The following SOX6 variants were observed in gnomAD, a reference collection of about 807,000 sequenced individuals.
SOX6 encodes the protein transcription factor SOX-6.
Under a neutral mutation model 97.8 loss-of-function variants are expected in SOX6, and 11 were observed. The ratio of observed to expected loss-of-function variants is 0.11; its 90% CI spans 0.07 to 0.19. The LOEUF (loss-of-function observed/expected upper bound fraction) is 0.19, where lower values mean the gene tolerates loss of function less well. SOX6 is among the 10% of genes least tolerant of loss of function. The probability of loss-of-function intolerance (pLI) is 1.00; values close to 1 mark genes in which losing one functional copy is unlikely to be tolerated. For synonymous variants in SOX6, 360 were observed against 371.4 expected (o/e 0.97, Z 0.35); for missense variants, 810 against 1,039.5 (o/e 0.78, Z 3.04).
chr11:16,621,919 T>A (rs545055582), intron 3 of SOX6, among the ~76,000 whole-genome samples: 7 of 152,340 alleles, frequency 4.6e-5, no homozygotes, highest in African/African-American at 1.7e-4. Context: ...TCAAGTTATC[T>A]GATTTGACTC....
intron 6 of SOX6, among the ~76,000 whole-genome samples, chr11:16,129,025 A>AT (rs34756324): frequency 0.011 from 1,320 of 119,218 alleles, 13 homozygotes; most frequent in African/African-American, 0.019. Flanking sequence ...CATGCCTGGC[A>AT]TTTTTTTTTT....
rs765192793 is a variant in SOX6, at chr11:16,111,796, TA to T, written c.898+6del. On this transcript the variant is annotated splice_donor_region_variant and intron_variant, in intron 7 of 15. Transcript: ENST00000683767. ...TGGAAAAGAATGTTAAATCCCTCTC[TA>T]CTTACCTGGTTTGTATGTTATTCCA... 3 of 1,613,060 alleles carry T rather than the reference TA, an allele frequency of 1.9e-6. No individual in the cohort carries two copies. Among genetic ancestry groups the T allele is most frequent in the East Asian group, 2.2e-5 (1 of 44,868 alleles).
chr11:16,088,258 A>G (rs1340817312), intron 9 of SOX6, among the ~76,000 whole-genome samples: 1 of 152,128 alleles, frequency 6.6e-6, no homozygotes, highest in African/African-American at 2.4e-5. Context: ...CCTGAGTGGT[A>G]TATTTGTTAC....
intron 3 of SOX6, among the ~76,000 whole-genome samples, chr11:16,661,508 TA>T (rs886223232): frequency 2.0e-5 from 3 of 152,034 alleles, no homozygotes; most frequent in African/African-American, 7.2e-5. Context: ...TTTTTTCTTT[TA>T]AAAAAAATCT....
intron 12 of SOX6, among the ~76,000 whole-genome samples, chr11:16,028,536 C>A (rs1590141592): frequency 1.3e-5 from 2 of 152,168 alleles, no homozygotes; most frequent in African/African-American, 4.8e-5. Context: ...GACAACAGAA[C>A]AATGATGGGT....
At position 16,055,819 on chromosome 11, in the gene SOX6, G is replaced by A. The variant is rs1847800600; in HGVS notation, c.1184C>T (p.Ala395Val). 1 of 1,613,690 alleles carries A rather than the reference G, an allele frequency of 6.2e-7. No homozygotes were observed. The highest frequency in any genetic ancestry group is 1.3e-5 in the African/African-American group (1 of 74,888). Residue 395 changes from alanine (A) to valine (V), a missense_variant, in exon 10 of 16, where the codon GCA becomes GTA. Ala to Val is a moderately conservative substitution (Grantham distance 64). Transcript: ENST00000683767. ...TATCCCAGTAGGTGAGACCGTCCCTGCTGTGTTTGGTGGCTGTGGAGTTGA... is the reference window on the plus strand; with the variant it reads ...TATCCCAGTAGGTGAGACCGTCCCTACTGTGTTTGGTGGCTGTGGAGTTGA... ...MPSTPQPPNT[A>V]GTVSPTGIKN...
chr11:16,145,841 A>G (rs61094171), intron 6 of SOX6, among the ~76,000 whole-genome samples: 16,277 of 152,010 alleles, frequency 0.11, 1,791 homozygotes, highest in East Asian at 0.37. Context: ...ACTGCTCAAC[A>G]AAATAAAAGA....
chr11:16,443,935 C>T (rs998787769), intron 1 of SOX6, among the ~76,000 whole-genome samples: 7 of 151,222 alleles, frequency 4.6e-5, no homozygotes, highest in African/African-American at 1.7e-4. Flanking sequence ...ATCGCTTGAA[C>T]CCGGGAGGTG....
At chr11:16,461,236 T>G (rs925528126) in intron 1 of SOX6, among the ~76,000 whole-genome samples, 2 of 152,156 alleles carry the variant, frequency 1.3e-5, no homozygotes, top group African/African-American at 2.4e-5. Context: ...CTTACCAGTC[T>G]TATTCATCGC....
chr11:16,209,749 T>C lies in SOX6; in HGVS notation c.536-22794A>G, dbSNP rs1852169565. Among the ~76,000 whole-genome samples the C allele has an allele frequency of 2.0e-5, 3 of 151,448 alleles. 1 individual carries two copies. The South Asian group carries it at 6.2e-4, about 31-fold the overall frequency. ...ACCTGGGTGACAGCATGAGACTCTG[T>C]CTCAAAAAAAAGAAAAAATTATATA... On this transcript the variant is annotated intron_variant, in intron 4 of 15. Transcript: ENST00000683767.
intron 12 of SOX6, among the ~76,000 whole-genome samples, chr11:16,027,735 C>G (rs924096336): frequency 6.6e-6 from 1 of 152,176 alleles, no homozygotes; most frequent in Non-Finnish European, 1.5e-5. Flanking sequence ...ATACAGGATG[C>G]CTCCACGTGC....
chr11:15,980,639 T>C (rs903570821), intron 15 of SOX6, among the ~76,000 whole-genome samples: 1 of 152,004 alleles, frequency 6.6e-6, no homozygotes, highest in Non-Finnish European at 1.5e-5. Context: ...TTTTTACTAT[T>C]GAATATATCC....
intron 4 of SOX6, among the ~76,000 whole-genome samples, chr11:16,575,420 G>A (rs1188341996): frequency 6.6e-6 from 1 of 151,972 alleles, no homozygotes; most frequent in Non-Finnish European, 1.5e-5. Flanking sequence ...TTGTACACAT[G>A]GCCACTAAGA....
At chr11:16,137,600 G>C (rs1416500319) in intron 6 of SOX6, among the ~76,000 whole-genome samples, 1 of 152,130 alleles carries the variant, frequency 6.6e-6, no homozygotes, top group Admixed American at 6.6e-5. Flanking sequence ...ATCTATCAAT[G>C]AGATAATAAT....
intron 3 of SOX6, among the ~76,000 whole-genome samples, chr11:16,654,863 T>C (rs573955026): frequency 1.3e-5 from 2 of 152,142 alleles, no homozygotes; most frequent in South Asian, 2.1e-4. Context: ...ACAGTTACTA[T>C]GAGACAAATA....
intron 3 of SOX6, among the ~76,000 whole-genome samples, chr11:16,281,797 C>T (rs1854572183): frequency 6.6e-6 from 1 of 151,466 alleles, no homozygotes; most frequent in Non-Finnish European, 1.5e-5. Context: ...GTGATTTTCC[C>T]ATGATGATAC....
chr11:16,719,563 A>C (rs955954101), intron 2 of SOX6, among the ~76,000 whole-genome samples: 2 of 152,224 alleles, frequency 1.3e-5, no homozygotes, highest in Non-Finnish European at 1.5e-5. Context: ...ATGTTTAGTA[A>C]AGTTTTCTGT....
rs1056793199 is a variant in SOX6, at chr11:16,605,378, G to T, written n.609+6703C>A. 6.6e-6 allele frequency among the ~76,000 whole-genome samples: 1 copy of T among 152,164 alleles called. No homozygotes were observed. The highest frequency in any genetic ancestry group is 6.5e-5 in the Admixed American group (1 of 15,290). On this transcript the variant is annotated intron_variant and non_coding_transcript_variant, in intron 4 of 5. Transcript: ENST00000524520. The surrounding 1 kb of genome is among the most constrained non-coding windows in gnomAD (Gnocchi z 5.3). ...ACTGCCCTCGCGGCCAGGGTAAAGA[G>T]GACCACAGATCAGTCAGCCTTGGAT...
intron 6 of SOX6, among the ~76,000 whole-genome samples, chr11:16,149,016 A>C (rs986847680): frequency 5.9e-5 from 9 of 152,122 alleles, no homozygotes; most frequent in African/African-American, 1.7e-4. Flanking sequence ...AAGACTTCTG[A>C]AAGTCATTTT....
Sources: gnomAD v4.1 joint callset for allele counts (sites outside exome capture counted in the v4.1 genomes callset) on GRCh38, gnomAD v4.1.1 for gene constraint, Gnocchi (gnomAD v3.1) non-coding constraint, MANE v1.5 for transcripts, NCBI Gene and HGNC (gene_info 2026-07-23, HGNC 2026-07-21) for gene names.